The following PLXDC2 variants were observed in gnomAD, a reference collection of about 807,000 sequenced individuals.
PLXDC2 encodes the protein plexin domain containing 2.
PLXDC2 carries 40 observed loss-of-function variants against 68.9 expected under a neutral mutation model. That is an observed-to-expected ratio of 0.58 (90% CI 0.45 to 0.76). PLXDC2 has a LOEUF of 0.76. Ranked by LOEUF, PLXDC2 falls within the 30% of genes least tolerant of loss-of-function variation. The pLI, the probability that PLXDC2 is intolerant of heterozygous loss-of-function variation, is 0.00. For missense variants in PLXDC2, 644 were observed against 661.9 expected (o/e 0.97, Z 0.30); for synonymous variants, 243 against 234.2 (o/e 1.04, Z -0.34).
intron 1 of PLXDC2, among the ~76,000 whole-genome samples, chr10:19,977,182 G>A (rs1249374531): frequency 6.6e-6 from 1 of 152,102 alleles, no homozygotes; most frequent in Non-Finnish European, 1.5e-5. Context: ...AAGCCGATTG[G>A]CATTCACTCT....
In PLXDC2 at chr10:20,280,700, A is replaced by G. The variant is rs908324381; in HGVS notation, c.*881A>G. On this transcript the variant is annotated 3_prime_UTR_variant, in exon 14 of 14. Transcript: ENST00000377252. ...ATGGAAACAAAAGGAAACAGTATGA[A>G]GAGTTCCTTAATCATTTTTGAAACA... The G allele has an allele frequency of 2.0e-5, 3 of 152,156 alleles. No homozygotes were observed. The highest frequency in any genetic ancestry group is 7.2e-5 in the African/African-American group (3 of 41,450). 9.4% of individuals were successfully genotyped at this position (152,156 alleles called of 1,614,324 possible). A position where few individuals can be genotyped will look rare whatever the true frequency, so the allele number is the denominator to read the frequency against.
At chr10:19,881,730 T>C (rs1425038872) in intron 1 of PLXDC2, among the ~76,000 whole-genome samples, 2 of 152,226 alleles carry the variant, frequency 1.3e-5, no homozygotes, top group African/African-American at 2.4e-5. Flanking sequence ...AAAATTTGCT[T>C]ATGTATTTCC....
At chr10:20,004,400 T>C (rs1834991131) in intron 2 of PLXDC2, among the ~76,000 whole-genome samples, 1 of 152,150 alleles carries the variant, frequency 6.6e-6, no homozygotes. Context: ...TTGGCAATGA[T>C]GATGTTATAG....
Position 19,870,698 on chromosome 10 carries a change from TTACAGG to T in PLXDC2, c.112+53509_112+53514del, listed in dbSNP as rs780355231. 4.0e-4 allele frequency among the ~76,000 whole-genome samples: 61 copies of T among 152,168 alleles called. 1 individual carries two copies. Among genetic ancestry groups the T allele is most frequent in the Non-Finnish European group, 7.2e-4 (49 of 68,024 alleles). Reference sequence around the variant, plus strand: ...GCCTTGGCCTCCCAAAGTGCTGGGATTACAGGTGTGAGCCAGCACACCCAGCCTACT... The same window carrying T: ...GCCTTGGCCTCCCAAAGTGCTGGGATTGTGAGCCAGCACACCCAGCCTACT... On this transcript the variant is annotated intron_variant, in intron 1 of 13. Transcript: ENST00000377252.
chr10:20,104,964 T>C (rs2131742766), intron 4 of PLXDC2, among the ~76,000 whole-genome samples: 1 of 142,902 alleles, frequency 7.0e-6, no homozygotes, highest in South Asian at 2.2e-4. Flanking sequence ...GGCAGGAGAA[T>C]CACTTGAACC....
At chr10:19,957,938 A>G (rs1291835575) in intron 1 of PLXDC2, among the ~76,000 whole-genome samples, 1 of 152,132 alleles carries the variant, frequency 6.6e-6, no homozygotes. Flanking sequence ...TACCAGAAAG[A>G]TTAACAACTA....
At chr10:20,152,170 A>G (rs7078998) in intron 6 of PLXDC2, among the ~76,000 whole-genome samples, 4,438 of 152,242 alleles carry the variant, frequency 0.029, 89 homozygotes, top group South Asian at 0.079. Context: ...TGCAGTGCAC[A>G]CTAAATGATG....
intron 12 of PLXDC2, among the ~76,000 whole-genome samples, chr10:20,243,207 G>T (rs1215975952): frequency 6.6e-6 from 1 of 152,156 alleles, no homozygotes; most frequent in Non-Finnish European, 1.5e-5. Flanking sequence ...CTGCTGGTGT[G>T]TGAGCTCAGT....
At chr10:20,235,988 A>G (rs75402511) in intron 12 of PLXDC2, among the ~76,000 whole-genome samples, 3,019 of 152,252 alleles carry the variant, frequency 0.02, 94 homozygotes, top group African/African-American at 0.065. Flanking sequence ...AAAAACCCTA[A>G]TATCTTAACC....
At chr10:19,872,419 T>G in intron 1 of PLXDC2, among the ~76,000 whole-genome samples, 1 of 152,216 alleles carries the variant, frequency 6.6e-6, no homozygotes, top group East Asian at 1.9e-4. Flanking sequence ...GGACTGGAAG[T>G]CAGTGGCCTC....
intron 12 of PLXDC2, among the ~76,000 whole-genome samples, chr10:20,224,474 G>C (rs1835260450): frequency 6.6e-6 from 1 of 152,140 alleles, no homozygotes; most frequent in Non-Finnish European, 1.5e-5. Context: ...TGTCTTCTTT[G>C]ACATTTGATT....
chr10:20,157,990 C>T (rs1834238804), intron 6 of PLXDC2, among the ~76,000 whole-genome samples: 1 of 151,724 alleles, frequency 6.6e-6, no homozygotes. Context: ...ATACAGAGGC[C>T]CAGTTAAAAT....
intron 3 of PLXDC2, among the ~76,000 whole-genome samples, chr10:20,047,505 G>A (rs1216411761): frequency 6.6e-6 from 1 of 151,964 alleles, no homozygotes; most frequent in Non-Finnish European, 1.5e-5. Flanking sequence ...TTAATATAAA[G>A]AAAAATAATA....
chr10:20,159,326 T>C (rs1264239185), intron 6 of PLXDC2, among the ~76,000 whole-genome samples: 1 of 152,162 alleles, frequency 6.6e-6, no homozygotes, highest in African/African-American at 2.4e-5. Context: ...CCAAAAGCCT[T>C]TGTGGTATCC....
chr10:20,238,690 T>TATATATATATATATATATATATAC (rs1835471667), intron 12 of PLXDC2, among the ~76,000 whole-genome samples: 2 of 130,354 alleles, frequency 1.5e-5, no homozygotes, highest in Admixed American at 8.0e-5. Flanking sequence ...TATATATATA[T>TATATATATATATATATATATATAC]ATACACACAT....
At chr10:19,981,546 CA>C (rs999804931) in intron 1 of PLXDC2, among the ~76,000 whole-genome samples, 3 of 152,164 alleles carry the variant, frequency 2.0e-5, no homozygotes, top group African/African-American at 7.2e-5. Flanking sequence ...CTCTGGGACT[CA>C]CCCAGACATC....
chr10:20,218,099 A>T (rs969728081), intron 11 of PLXDC2, among the ~76,000 whole-genome samples: 2 of 152,158 alleles, frequency 1.3e-5, no homozygotes, highest in Non-Finnish European at 2.9e-5. Context: ...GAAAACAACT[A>T]TTTCCTCTTC....
rs1196642856 is a variant in PLXDC2, at chr10:20,164,462, T to G, written c.784-6T>G. ...ACATATAGTTACCTGCTTTGTTTTT[T>G]TCCAGATTCCTGTCTTGGTCACACA... On this transcript the variant is annotated splice_region_variant and splice_polypyrimidine_tract_variant and intron_variant, in intron 6 of 13. Transcript: ENST00000377252. 1 of 1,607,630 alleles carries G rather than the reference T, an allele frequency of 6.2e-7. No homozygotes were observed. The highest frequency in any genetic ancestry group is 2.2e-5 in the East Asian group (1 of 44,732).
chr10:20,120,321 G>GTAT (rs1278140062), intron 4 of PLXDC2, among the ~76,000 whole-genome samples: 5 of 152,294 alleles, frequency 3.3e-5, no homozygotes, highest in Admixed American at 6.5e-5. Context: ...AGTGATAAAA[G>GTAT]TATTGTCCAG....
Sources: gnomAD v4.1 joint callset for allele counts (sites outside exome capture counted in the v4.1 genomes callset) on GRCh38, gnomAD v4.1.1 for gene constraint, MANE v1.5 for transcripts, NCBI Gene and HGNC (gene_info 2026-07-23, HGNC 2026-07-21) for gene names.